RNF6: variants seen among roughly 807,000 people sequenced by gnomAD.
RNF6 encodes the protein ring finger protein 6.
Under a neutral mutation model 50.1 loss-of-function variants are expected in RNF6, and 21 were observed. The ratio of observed to expected loss-of-function variants is 0.42; its 90% CI spans 0.30 to 0.60. The LOEUF is 0.60. Ranked by LOEUF, RNF6 falls within the 20% of genes least tolerant of loss-of-function variation. The pLI is 0.20. For synonymous variants in RNF6, 255 were observed against 291.8 expected, an observed-to-expected ratio of 0.87 and a Z score of 1.29; for missense variants, 698 against 838.2, an observed-to-expected ratio of 0.83 and a Z score of 2.07.
intron 5 of RNF6, among the ~76,000 whole-genome samples, chr13:26,176,422 T>A (rs1381548229): frequency 6.6e-6 from 1 of 152,180 alleles, no homozygotes; most frequent in Non-Finnish European, 1.5e-5. Flanking sequence ...TCCAAAGTCA[T>A]TGGATTACAG....
At chr13:26,186,196 G>A (rs1203900454) in intron 5 of RNF6, among the ~76,000 whole-genome samples, 1 of 152,194 alleles carries the variant, frequency 6.6e-6, no homozygotes, top group Non-Finnish European at 1.5e-5. Context: ...TACACACAAC[G>A]CAGAGGAAAA....
At chr13:26,205,237 G>A (rs1331968484) in intron 5 of RNF6, among the ~76,000 whole-genome samples, 2 of 145,002 alleles carry the variant, frequency 1.4e-5, no homozygotes, top group Non-Finnish European at 3.1e-5. Flanking sequence ...TAAGTACATG[G>A]AGTCAGAACT....
chr13:26,192,125 T>A (rs2137686691), intron 5 of RNF6, among the ~76,000 whole-genome samples: 1 of 152,366 alleles, frequency 6.6e-6, no homozygotes, highest in East Asian at 1.9e-4. Context: ...ATAGTCATTT[T>A]AAGAATTTTG....
In RNF6 at chr13:26,214,233, T is replaced by C. The variant is rs767564037; in HGVS notation, c.1649A>G (p.His550Arg). 1 of 1,614,212 alleles carries C rather than the reference T, an allele frequency of 6.2e-7. No homozygotes were observed. The highest frequency in any genetic ancestry group is 1.1e-5 in the South Asian group (1 of 91,084). ...RQAQGDSTEM[H>R]GENETTQPHT... is the part of the protein sequence containing the mutation. ...AGGCTGGGTGGTCTCGTTTTCACCA[T>C]GCATTTCAGTGCTGTCTCCTTGGGC... The change falls in exon 5 of 5, where the codon CAT becomes CGT. Residue 550 changes from histidine to arginine, a missense_variant. By Grantham distance (29) the His-to-Arg change is conservative. Coordinates refer to ENST00000381588, the MANE Select transcript of RNF6 (RefSeq NM_005977.4).
At chr13:26,185,920 A>C (rs1873497321) in intron 5 of RNF6, among the ~76,000 whole-genome samples, 1 of 152,182 alleles carries the variant, frequency 6.6e-6, no homozygotes, top group African/African-American at 2.4e-5. Flanking sequence ...GAGAACACAC[A>C]CTATGTCCTA....
chr13:26,168,481 A>C (rs1872546017), intron 5 of RNF6, among the ~76,000 whole-genome samples: 2 of 152,222 alleles, frequency 1.3e-5, no homozygotes, highest in South Asian at 4.1e-4. Flanking sequence ...CAGGGGTAGG[A>C]CCACGTCTTC....
intron 5 of RNF6, among the ~76,000 whole-genome samples, chr13:26,168,663 A>G (rs1199570692): frequency 6.6e-6 from 1 of 152,262 alleles, no homozygotes. Context: ...GCCCAAGGGC[A>G]AATGAGTAGA....
intron 5 of RNF6, among the ~76,000 whole-genome samples, chr13:26,186,700 C>G (rs575099223): frequency 1.2e-4 from 18 of 152,196 alleles, no homozygotes; most frequent in Non-Finnish European, 2.2e-4. Flanking sequence ...CTTCGCTGTG[C>G]TGACCGTCGA....
At chr13:26,178,352 C>T (rs1255082811) in intron 5 of RNF6, among the ~76,000 whole-genome samples, 1 of 152,102 alleles carries the variant, frequency 6.6e-6, no homozygotes, top group Non-Finnish European at 1.5e-5. Context: ...ACTGTGTCCT[C>T]ATGTGGTGAA....
intron 1 of RNF6, chr13:26,221,568 C>G (rs149568510): frequency 6.6e-6 from 1 of 152,248 alleles, no homozygotes; most frequent in Non-Finnish European, 1.5e-5. Flanking sequence ...CCTGGGTTTA[C>G]GCCTCCTCTC....
intron 2 of RNF6, among the ~76,000 whole-genome samples, chr13:26,220,892 T>C (rs927774618): frequency 1.3e-5 from 2 of 152,220 alleles, no homozygotes; most frequent in African/African-American, 4.8e-5. Flanking sequence ...AAGTCTAAAA[T>C]ACTGTTGGAG....
At chr13:26,206,204 T>G (rs35328831) in intron 5 of RNF6, among the ~76,000 whole-genome samples, 2 of 135,920 alleles carry the variant, frequency 1.5e-5, no homozygotes, top group East Asian at 2.2e-4. Flanking sequence ...CCCTCCCCAC[T>G]GCCCCCCGTC....
At chr13:26,204,496 C>CAAAAAAA (rs71080239) in intron 5 of RNF6, among the ~76,000 whole-genome samples, 30 of 68,930 alleles carry the variant, frequency 4.4e-4, no homozygotes, top group East Asian at 1.4e-3. Flanking sequence ...GACTCCACCT[C>CAAAAAAA]AAAAAAAAAA....
chr13:26,205,293 C>T (rs34701644), intron 5 of RNF6, among the ~76,000 whole-genome samples: 30,029 of 152,092 alleles, frequency 0.2, 3,440 homozygotes, highest in East Asian at 0.4. Flanking sequence ...AAATACAAGA[C>T]TATTTTGCCT....
chr13:26,153,826 C>T (rs540185410), intron 5 of RNF6, among the ~76,000 whole-genome samples: 14 of 152,198 alleles, frequency 9.2e-5, no homozygotes, highest in South Asian at 2.1e-4. Flanking sequence ...TTAAAGATCT[C>T]GATCAGGATG....
At chr13:26,208,387 A>G, downstream of RNF6, among the ~76,000 whole-genome samples, 1 of 152,198 alleles carries the variant, frequency 6.6e-6, no homozygotes, top group African/African-American at 2.4e-5. Flanking sequence ...TTTCTGGTAG[A>G]CAACACTTCT....
chr13:26,175,468 C>G (rs1872910912), intron 5 of RNF6, among the ~76,000 whole-genome samples: 1 of 152,204 alleles, frequency 6.6e-6, no homozygotes, highest in Admixed American at 6.5e-5. Flanking sequence ...TCACCATCTC[C>G]TTGTCTCCTC....
At chr13:26,134,379 C>A (rs1870542371) in intron 5 of RNF6, among the ~76,000 whole-genome samples, 1 of 152,250 alleles carries the variant, frequency 6.6e-6, no homozygotes, top group African/African-American at 2.4e-5. Context: ...GAGCGTGAGG[C>A]CACATTTTTA....
At chr13:26,153,868 G>A (rs1046344492) in intron 5 of RNF6, among the ~76,000 whole-genome samples, 2 of 152,072 alleles carry the variant, frequency 1.3e-5, no homozygotes. Flanking sequence ...TTGCTCATCC[G>A]CGTATTTTTC....
Sources: allele counts gnomAD v4.1 joint callset (sites outside exome capture counted in the v4.1 genomes callset), GRCh38; gene constraint gnomAD v4.1.1; transcripts MANE v1.5; gene names NCBI Gene and HGNC (gene_info 2026-07-23, HGNC 2026-07-21).